SHISA9: variants seen among roughly 807,000 people sequenced by gnomAD.
SHISA9 encodes shisa family member 9, also known as protein shisa-9.
Under a neutral mutation model 38.0 loss-of-function variants are expected in SHISA9, and 13 were observed. The observed-to-expected ratio is 0.34, with a 90% CI of 0.22 to 0.54. The LOEUF is 0.54. SHISA9 is among the 20% of genes least tolerant of loss of function. The pLI is 0.91. For synonymous variants in SHISA9, 275 were observed against 242.0 expected (o/e 1.14, Z -1.27); for missense variants, 538 against 575.8 (o/e 0.93, Z 0.67).
the SHISA9 span, among the ~76,000 whole-genome samples, chr16:13,491,235 C>G: frequency 6.6e-6 from 1 of 152,110 alleles, no homozygotes; most frequent in South Asian, 2.1e-4. Context: ...ACTGGGAATC[C>G]ATTGGTGATA....
At chr16:13,210,907 A>G (rs958325046) in intron 3 of SHISA9, among the ~76,000 whole-genome samples, 1 of 152,226 alleles carries the variant, frequency 6.6e-6, no homozygotes, top group Non-Finnish European at 1.5e-5. Context: ...CATCTAAAGT[A>G]TGTAACCAGG....
At chr16:13,547,323 G>T in the SHISA9 span, among the ~76,000 whole-genome samples, 1 of 151,994 alleles carries the variant, frequency 6.6e-6, no homozygotes. Context: ...TATATATTAG[G>T]GTTCTCTGGA....
intron 2 of SHISA9, among the ~76,000 whole-genome samples, chr16:12,920,280 C>T (rs2071311132): frequency 6.6e-6 from 1 of 152,082 alleles, no homozygotes; most frequent in African/African-American, 2.4e-5. Flanking sequence ...TGTAACAAAC[C>T]TGCACGTTGT....
chr16:13,518,163 G>A, the SHISA9 span, among the ~76,000 whole-genome samples: 8 of 152,110 alleles, frequency 5.3e-5, no homozygotes, highest in South Asian at 1.7e-3. Context: ...CAGGGGAGCT[G>A]CCCTGCAACA....
At chr16:13,259,309 C>G in the SHISA9 span, among the ~76,000 whole-genome samples, 2 of 152,202 alleles carry the variant, frequency 1.3e-5, no homozygotes, top group Non-Finnish European at 1.5e-5. Flanking sequence ...CAGCTTTGCC[C>G]CTGTGGCTCT....
At chr16:13,447,048 G>C in the SHISA9 span, among the ~76,000 whole-genome samples, 2 of 151,346 alleles carry the variant, frequency 1.3e-5, no homozygotes, top group Non-Finnish European at 2.9e-5. Flanking sequence ...AAAAAAAAGA[G>C]AGAGAGAGAA....
the SHISA9 span, among the ~76,000 whole-genome samples, chr16:13,334,773 C>CAAAAAAAAAAAAAAAAAAAA: frequency 1.0e-5 from 1 of 97,652 alleles, no homozygotes; most frequent in African/African-American, 3.9e-5. Context: ...GACTCCATCT[C>CAAAAAAAAAAAAAAAAAAAA]AAAAAAAAAA....
At position 13,085,753 on chromosome 16, in the gene SHISA9, TATATCCCTTG is replaced by T. The variant is rs973736067; in HGVS notation, c.692-117639_692-117630del. Reference sequence around the variant, plus strand: ...CAAGCTACCTTCGCAGTCTTATTTCTATATCCCTTGACTCAGGGGACTTTTACAGAATAAA... The same window carrying T: ...CAAGCTACCTTCGCAGTCTTATTTCTACTCAGGGGACTTTTACAGAATAAA... On this transcript the variant is annotated intron_variant, in intron 2 of 4. Transcript: ENST00000558583. Among the ~76,000 whole-genome samples, 7 of 152,212 alleles carry T rather than the reference TATATCCCTTG, an allele frequency of 4.6e-5. 1 individual carries two copies. Among genetic ancestry groups the T allele is most frequent in the Admixed American group, 2.0e-4 (3 of 15,286 alleles).
chr16:13,555,827 ATCCACC>A, the SHISA9 span, among the ~76,000 whole-genome samples: 1 of 152,182 alleles, frequency 6.6e-6, no homozygotes, highest in East Asian at 1.9e-4. Flanking sequence ...TAAAATAACT[ATCCACC>A]TCTCAGCCCC....
At chr16:12,966,511 TC>T (rs1203364083) in intron 2 of SHISA9, among the ~76,000 whole-genome samples, 1 of 152,150 alleles carries the variant, frequency 6.6e-6, no homozygotes, top group African/African-American at 2.4e-5. Flanking sequence ...TGCCTCAGCC[TC>T]CCAAAGTGTT....
In SHISA9 at chr16:13,152,245, T is replaced by C. The variant is rs570451454; in HGVS notation, c.692-51149T>C. On this transcript the variant is annotated intron_variant, in intron 2 of 4. Coordinates refer to ENST00000558583, the MANE Select transcript of SHISA9 (RefSeq NM_001145204.3). ...GCTATTTATTTCAGACACTTTTTTT[T>C]CCCCAAAAATAAATCTTCTGTCCTC... Among the ~76,000 whole-genome samples, 202 of 152,218 alleles carry C rather than the reference T, an allele frequency of 1.3e-3. 2 individuals carry two copies. The highest frequency in any genetic ancestry group is 4.5e-3 in the African/African-American group (187 of 41,526).
intron 2 of SHISA9, among the ~76,000 whole-genome samples, chr16:13,024,357 C>G (rs1489846714): frequency 6.6e-6 from 1 of 152,214 alleles, no homozygotes; most frequent in Non-Finnish European, 1.5e-5. Context: ...ACCTGCCTGC[C>G]TTTGGCAGCT....
intron 2 of SHISA9, among the ~76,000 whole-genome samples, chr16:13,091,294 G>A (rs1244376791): frequency 4.6e-5 from 7 of 152,054 alleles, no homozygotes; most frequent in South Asian, 2.1e-4. Flanking sequence ...TGCTCTTCTC[G>A]ACGAGTATCT....
chr16:13,050,381 G>C (rs1449906260), intron 2 of SHISA9, among the ~76,000 whole-genome samples: 2 of 152,026 alleles, frequency 1.3e-5, no homozygotes, highest in Non-Finnish European at 2.9e-5. Flanking sequence ...ACCCAGGCTG[G>C]AGTGCTGTGG....
chr16:13,452,324 G>A, the SHISA9 span, among the ~76,000 whole-genome samples: 1 of 152,210 alleles, frequency 6.6e-6, no homozygotes, highest in Non-Finnish European at 1.5e-5. Flanking sequence ...GCTTCAGGGT[G>A]AAAATGCAAG....
intron 2 of SHISA9, among the ~76,000 whole-genome samples, chr16:12,959,441 T>C (rs2071879506): frequency 1.3e-5 from 2 of 152,140 alleles, no homozygotes; most frequent in African/African-American, 4.8e-5. Context: ...CTTTGCAAAC[T>C]CTGTAGAAAC....
At chr16:13,458,111 A>C in the SHISA9 span, among the ~76,000 whole-genome samples, 1 of 152,288 alleles carries the variant, frequency 6.6e-6, no homozygotes, top group Middle Eastern at 3.4e-3. Flanking sequence ...TATTGTATAC[A>C]CCATGCTAGG....
chr16:13,015,894 C>CTTTCTTTCTTTCTTTCTT (rs1555454833), intron 2 of SHISA9, among the ~76,000 whole-genome samples: 15 of 126,312 alleles, frequency 1.2e-4, no homozygotes, highest in African/African-American at 4.9e-4. Flanking sequence ...TTCTTTCTTT[C>CTTTCTTTCTTTCTTTCTT]TTTCTTTCTT....
chr16:13,177,788 G>C (rs1462823977), intron 2 of SHISA9, among the ~76,000 whole-genome samples: 1 of 152,144 alleles, frequency 6.6e-6, no homozygotes, highest in African/African-American at 2.4e-5. Context: ...TCCTGCCTCA[G>C]CCTCCCGAGT....
Sources: allele counts gnomAD v4.1 joint callset (sites outside exome capture counted in the v4.1 genomes callset), GRCh38; gene constraint gnomAD v4.1.1; transcripts MANE v1.5; gene names NCBI Gene and HGNC (gene_info 2026-07-23, HGNC 2026-07-21).